Variants in ZNF423 observed in about 807,000 individuals in gnomAD.
ZNF423 encodes zinc finger protein 423.
ZNF423 carries 12 observed loss-of-function variants against 95.8 expected under a neutral mutation model. The observed-to-expected ratio is 0.13, with a 90% confidence interval of 0.08 to 0.20. The LOEUF is 0.20. Among genes scored for constraint, ZNF423 ranks in the 10% least tolerant of loss-of-function variants. The pLI, the probability that ZNF423 is intolerant of heterozygous loss-of-function variation, is 1.00. For missense variants in ZNF423, 1,316 were observed against 1,737.1 expected, an observed-to-expected ratio of 0.76 and a Z score of 4.31; for synonymous variants, 749 against 711.9, an observed-to-expected ratio of 1.05 and a Z score of -0.83.
intron 2 of ZNF423, among the ~76,000 whole-genome samples, chr16:49,771,192 C>CTTTTTTTT (rs71380376): frequency 8.9e-5 from 8 of 89,438 alleles, no homozygotes; most frequent in Admixed American, 1.4e-4. Context: ...TTTTTTTTTT[C>CTTTTTTTT]TTTTTTTTTT....
chr16:49,605,495 C>A (rs1013960287), intron 5 of ZNF423, among the ~76,000 whole-genome samples: 12 of 152,196 alleles, frequency 7.9e-5, no homozygotes, highest in Non-Finnish European at 1.5e-4. Flanking sequence ...AGACACTGCT[C>A]CAAACAAAGA....
chr16:49,553,375 C>A (rs1969708295), intron 5 of ZNF423, among the ~76,000 whole-genome samples: 1 of 152,012 alleles, frequency 6.6e-6, no homozygotes, highest in African/African-American at 2.4e-5. Flanking sequence ...GGCTCTTGGT[C>A]TTGCTCTGCC....
chr16:49,626,140 C>CA, intron 5 of ZNF423, 30 bp downstream of exon 5: 1 of 1,609,272 alleles, frequency 6.2e-7, no homozygotes, highest in Non-Finnish European at 8.5e-7. Flanking sequence ...AGAGTAGCTC[C>CA]AGCATGGCTG....
intron 2 of ZNF423, among the ~76,000 whole-genome samples, chr16:49,748,030 CCCAGGAAT>C (rs1437313400): frequency 1.3e-5 from 2 of 152,192 alleles, no homozygotes; most frequent in East Asian, 3.9e-4. Flanking sequence ...ATCACTTTAG[CCCAGGAAT>C]CCAAGGCCAG....
intron 3 of ZNF423, among the ~76,000 whole-genome samples, chr16:49,688,822 T>C (rs1048489417): frequency 3.3e-5 from 5 of 152,176 alleles, no homozygotes; most frequent in South Asian, 2.1e-4. Flanking sequence ...AGCTGTAGGA[T>C]TGGCTTCTTT....
chr16:49,652,315 C>T (rs1973439014), intron 3 of ZNF423, among the ~76,000 whole-genome samples: 1 of 151,536 alleles, frequency 6.6e-6, no homozygotes, highest in South Asian at 2.1e-4. Flanking sequence ...CAATTGAGCT[C>T]GAGTTTTATT....
chr16:49,659,026 C>T (rs1224824482), intron 3 of ZNF423, among the ~76,000 whole-genome samples: 2 of 152,220 alleles, frequency 1.3e-5, no homozygotes, highest in Non-Finnish European at 2.9e-5. Context: ...TTCTTAAAAT[C>T]TATATTATTT....
chr16:49,619,796 G>A (rs532446046), intron 5 of ZNF423, among the ~76,000 whole-genome samples: 4 of 152,264 alleles, frequency 2.6e-5, no homozygotes, highest in East Asian at 1.9e-4. Context: ...TCAGCAACAC[G>A]TGATCCTGGC....
chr16:49,638,720 G>A lies in ZNF423; in HGVS notation c.456C>T (p.Asp152=). The A allele has an allele frequency of 1.9e-6, 3 of 1,614,182 alleles. No homozygotes were observed. Among genetic ancestry groups the A allele is most frequent in the Non-Finnish European group, 2.5e-6 (3 of 1,180,046 alleles). ...TGLPYPCQFC[D]KSFIRLSYLK... ...AGTAGCTCAAGCGGATGAAGGACTT[G>A]TCGCAGAACTGGCAAGGGTATGGCA... The change falls in exon 4 of 8, where the codon GAC becomes GAT. Residue 152 remains aspartate, a synonymous_variant. Transcript: ENST00000563137. This position sits in a 1 kb window ranked among gnomAD's most constrained non-coding sequence, Gnocchi z 5.6.
chr16:49,808,649 G>A (rs1391096380), intron 1 of ZNF423, among the ~76,000 whole-genome samples: 1 of 152,160 alleles, frequency 6.6e-6, no homozygotes, highest in Non-Finnish European at 1.5e-5. Context: ...GGCAGTGCTG[G>A]GCAGAGGACA....
Position 49,836,313 on chromosome 16 carries a change from G to C in ZNF423, c.40+19422C>G, listed in dbSNP as rs541134993. ...CTGGGACATCCTCCACCTCCAACCT[G>C]TCCAAGCTGCTTCTCTCCCAAGTGA... On this transcript the variant is annotated intron_variant, in intron 1 of 7. Coordinates refer to ENST00000563137, the MANE Select transcript of ZNF423 (RefSeq NM_001379286.1). Among the ~76,000 whole-genome samples, 5 of 152,102 alleles carry C rather than the reference G, an allele frequency of 3.3e-5. No homozygotes were observed. In the East Asian group the frequency reaches 9.7e-4, roughly 29 times the overall value.
chr16:49,704,685 T>G (rs1457259128), intron 3 of ZNF423, among the ~76,000 whole-genome samples: 1 of 152,132 alleles, frequency 6.6e-6, no homozygotes, highest in East Asian at 1.9e-4. Context: ...AAGGTTTGTG[T>G]CTCATCACAC....
At chr16:49,725,803 C>T (rs922681083) in intron 3 of ZNF423, among the ~76,000 whole-genome samples, 3 of 152,230 alleles carry the variant, frequency 2.0e-5, no homozygotes, top group Admixed American at 1.3e-4. Flanking sequence ...CATTTGCCCC[C>T]AGCACCAGAC....
intron 1 of ZNF423, among the ~76,000 whole-genome samples, chr16:49,796,350 CTCCAGG>C (rs942718244): frequency 6.6e-6 from 1 of 152,224 alleles, no homozygotes; most frequent in Admixed American, 6.5e-5. Context: ...GCACCACCTC[CTCCAGG>C]TCACTTGCTC....
chr16:49,666,139 G>A (rs536298025), intron 3 of ZNF423, among the ~76,000 whole-genome samples: 1 of 152,328 alleles, frequency 6.6e-6, no homozygotes, highest in South Asian at 2.1e-4. Context: ...ATCCTGGCTG[G>A]CCCCCGCCTC....
intron 1 of ZNF423, among the ~76,000 whole-genome samples, chr16:49,836,654 G>T (rs529588271): frequency 7.9e-5 from 12 of 152,252 alleles, no homozygotes; most frequent in African/African-American, 2.9e-4. Flanking sequence ...GGGCTGCAGA[G>T]GGGATTCATG....
intron 2 of ZNF423, among the ~76,000 whole-genome samples, chr16:49,767,528 G>A (rs2033951778): frequency 6.6e-6 from 1 of 152,162 alleles, no homozygotes; most frequent in Non-Finnish European, 1.5e-5. Context: ...ATGGAGCGCT[G>A]TTCATTGTCA....
At chr16:49,593,381 G>C (rs886478292) in intron 5 of ZNF423, among the ~76,000 whole-genome samples, 2 of 152,166 alleles carry the variant, frequency 1.3e-5, no homozygotes, top group South Asian at 4.2e-4. Context: ...GCTGCAGTGA[G>C]CTATGATCAT....
chr16:49,833,879 C>T (rs1420236863), intron 1 of ZNF423, among the ~76,000 whole-genome samples: 1 of 152,178 alleles, frequency 6.6e-6, no homozygotes, highest in Non-Finnish European at 1.5e-5. Context: ...CCAGGCCGCT[C>T]CTGGATCCTG....
Sources: allele counts gnomAD v4.1 joint callset (sites outside exome capture counted in the v4.1 genomes callset), GRCh38; gene constraint gnomAD v4.1.1; non-coding constraint Gnocchi (gnomAD v3.1); transcripts MANE v1.5; gene names NCBI Gene and HGNC (gene_info 2026-07-23, HGNC 2026-07-21).